Variants in RBFOX1 observed in about 807,000 individuals in gnomAD.
RBFOX1 encodes the protein RNA binding protein fox-1 homolog 1.
In RBFOX1, 8 loss-of-function variants were observed where a neutral mutation model predicts 57.7. That is an observed-to-expected ratio of 0.14 (90% confidence interval 0.08 to 0.25). The LOEUF (loss-of-function observed/expected upper bound fraction) is 0.25. Among genes scored for constraint, RBFOX1 ranks in the 10% least tolerant of loss-of-function variants. RBFOX1 has a pLI of 1.00. For missense variants in RBFOX1, 611 were observed against 548.5 expected (o/e 1.11, Z -1.14); for synonymous variants, 326 against 222.4 (o/e 1.47, Z -4.15).
chr16:6,694,667 A>T (rs1225869165), intron 3 of RBFOX1, among the ~76,000 whole-genome samples: 1 of 152,142 alleles, frequency 6.6e-6, no homozygotes, highest in Non-Finnish European at 1.5e-5. Context: ...GTTTTTCCAC[A>T]TGGTAGCAAG....
chr16:6,141,259 C>G (rs1320699158), intron 1 of RBFOX1, among the ~76,000 whole-genome samples: 2 of 152,298 alleles, frequency 1.3e-5, no homozygotes, highest in South Asian at 2.1e-4. Context: ...GTAAACCCTT[C>G]TAATCCTCCC....
At chr16:6,511,556 A>G (rs1005982801) in intron 2 of RBFOX1, among the ~76,000 whole-genome samples, 1 of 152,220 alleles carries the variant, frequency 6.6e-6, no homozygotes, top group Non-Finnish European at 1.5e-5. Flanking sequence ...ATTGCTGAGA[A>G]TAATTATTGT....
At chr16:5,492,286 A>G (rs2042861303) in intron 2 of RBFOX1, among the ~76,000 whole-genome samples, 1 of 152,194 alleles carries the variant, frequency 6.6e-6, no homozygotes, top group African/African-American at 2.4e-5. Context: ...TCCCAATTCT[A>G]AATAACCTTT....
chr16:6,810,171 C>A (rs188138261), intron 3 of RBFOX1, among the ~76,000 whole-genome samples: 156 of 152,256 alleles, frequency 1.0e-3, no homozygotes, highest in Admixed American at 8.8e-3. Flanking sequence ...GGATCACTCT[C>A]ATTGTCTTAT....
At chr16:5,903,065 C>G (rs1008229809) in intron 4 of RBFOX1, among the ~76,000 whole-genome samples, 8 of 152,064 alleles carry the variant, frequency 5.3e-5, no homozygotes, top group Non-Finnish European at 1.0e-4. Flanking sequence ...CTTGCCTGAG[C>G]CGACTTACTG....
chr16:7,269,635 C>G (rs1333660049), intron 4 of RBFOX1, among the ~76,000 whole-genome samples: 1 of 151,890 alleles, frequency 6.6e-6, no homozygotes, highest in African/African-American at 2.4e-5. Context: ...TCTGTTGTAC[C>G]AAAAGTTATT....
At chr16:6,924,579 A>C (rs1215591868) in intron 3 of RBFOX1, among the ~76,000 whole-genome samples, 2 of 152,134 alleles carry the variant, frequency 1.3e-5, no homozygotes, top group African/African-American at 4.8e-5. Flanking sequence ...TCCAAACTGT[A>C]TCACCGAGCC....
intron 4 of RBFOX1, among the ~76,000 whole-genome samples, chr16:7,166,357 T>C (rs1257971118): frequency 1.3e-5 from 2 of 151,984 alleles, no homozygotes; most frequent in African/African-American, 2.4e-5. Flanking sequence ...AATCAGCAAA[T>C]AGCTTGTGAG....
intron 4 of RBFOX1, among the ~76,000 whole-genome samples, chr16:5,957,858 A>C (rs970415438): frequency 6.6e-6 from 1 of 152,078 alleles, no homozygotes; most frequent in African/African-American, 2.4e-5. Flanking sequence ...ATGTACAATT[A>C]ATTTATTATT....
intron 3 of RBFOX1, among the ~76,000 whole-genome samples, chr16:6,741,810 A>G (rs2072239997): frequency 6.6e-6 from 1 of 152,226 alleles, no homozygotes; most frequent in Admixed American, 6.5e-5. Flanking sequence ...GAAGAAGTGA[A>G]ATGGTGGTTA....
chr16:7,694,861 T>G (rs1261263777), intron 14 of RBFOX1, among the ~76,000 whole-genome samples: 1 of 152,218 alleles, frequency 6.6e-6, no homozygotes, highest in Non-Finnish European at 1.5e-5. Context: ...AGGCCTCATG[T>G]ATAGATGCCT....
At chr16:5,755,841 G>A (rs553100073) in intron 3 of RBFOX1, among the ~76,000 whole-genome samples, 7 of 152,068 alleles carry the variant, frequency 4.6e-5, no homozygotes, top group East Asian at 1.9e-4. Flanking sequence ...CAGGTGATCC[G>A]CCTGCCTCGG....
intron 5 of RBFOX1, among the ~76,000 whole-genome samples, chr16:7,533,586 G>T (rs565862840): frequency 1.3e-5 from 2 of 152,244 alleles, no homozygotes; most frequent in Admixed American, 6.5e-5. Flanking sequence ...CAGAACACTT[G>T]TATGAGCCTA....
intron 14 of RBFOX1, among the ~76,000 whole-genome samples, chr16:7,697,940 A>G (rs981943302): frequency 2.0e-4 from 31 of 152,288 alleles, no homozygotes; most frequent in African/African-American, 7.2e-4. Context: ...GGCAGCAGGC[A>G]TATGTTTAGT....
chr16:6,543,225 A>G (rs1226640199), intron 2 of RBFOX1, among the ~76,000 whole-genome samples: 13 of 152,140 alleles, frequency 8.5e-5, no homozygotes, highest in Admixed American at 8.5e-4. Context: ...AATGTTTAAC[A>G]TTCTTTGGAT....
At chr16:5,365,929 G>C in intron 1 of RBFOX1, 1 of 495,298 alleles carries the variant, frequency 2.0e-6, no homozygotes, top group Non-Finnish European at 4.0e-6. Context: ...TTATCTTTAA[G>C]AATGGTCAGT....
intron 4 of RBFOX1, among the ~76,000 whole-genome samples, chr16:5,974,008 C>G (rs183498046): frequency 6.6e-6 from 1 of 152,318 alleles, no homozygotes; most frequent in East Asian, 1.9e-4. Context: ...TCCTTAAAAC[C>G]TCATTTCCTC....
Position 6,965,052 on chromosome 16 carries a change from C to G in RBFOX1, c.-15-87005C>G, listed in dbSNP as rs1474346049. 2.0e-5 allele frequency among the ~76,000 whole-genome samples: 3 copies of G among 152,002 alleles called. No individual in the cohort carries two copies. In the East Asian group the frequency reaches 5.8e-4, roughly 29 times the overall value. Reference sequence around the variant, plus strand: ...TATTATCTCTAGGTTCTCCTCCTTCCCTGGAGTCTGGGGGTGGCAGTGTTA... The same window carrying G: ...TATTATCTCTAGGTTCTCCTCCTTCGCTGGAGTCTGGGGGTGGCAGTGTTA... On this transcript the variant is annotated intron_variant, in intron 3 of 15. Transcript: ENST00000550418.
intron 4 of RBFOX1, among the ~76,000 whole-genome samples, chr16:7,092,743 G>GA (rs146700277): frequency 0.014 from 2,069 of 152,258 alleles, 44 homozygotes; most frequent in African/African-American, 0.048. Flanking sequence ...ATGAAGAGCT[G>GA]AAAACAGAGG....
Sources: allele counts gnomAD v4.1 joint callset (sites outside exome capture counted in the v4.1 genomes callset), GRCh38; gene constraint gnomAD v4.1.1; transcripts MANE v1.5; gene names NCBI Gene and HGNC (gene_info 2026-07-23, HGNC 2026-07-21).